Variants in AFF2 observed in about 807,000 individuals in gnomAD.
AFF2 encodes AF4/FMR2 family member 2.
Under a neutral mutation model 76.9 loss-of-function variants are expected in AFF2, and 14 were observed. That is an observed-to-expected ratio of 0.18 (90% confidence interval 0.12 to 0.28). The LOEUF (loss-of-function observed/expected upper bound fraction) is 0.28, where lower values mean the gene tolerates loss of function less well. Among genes scored for constraint, AFF2 ranks in the 10% least tolerant of loss-of-function variants. The pLI, the probability that AFF2 is intolerant of heterozygous loss-of-function variation, is 1.00. For missense variants in AFF2, 868 were observed against 1,001.1 expected, an observed-to-expected ratio of 0.87 and a Z score of 1.79; for synonymous variants, 398 against 366.7, an observed-to-expected ratio of 1.09 and a Z score of -0.98.
intron 1 of AFF2, among the ~76,000 whole-genome samples, chrX:148,540,413 T>A (rs1489265092): frequency 9.1e-6 from 1 of 109,305 alleles, no homozygotes; most frequent in Non-Finnish European, 1.9e-5. Flanking sequence ...TGACCTTTTT[T>A]TTTTTTTTTT....
chrX:148,538,021 G>A (rs1213413185), intron 1 of AFF2, among the ~76,000 whole-genome samples: 4 of 112,366 alleles, frequency 3.6e-5, no homozygotes, highest in Non-Finnish European at 7.5e-5. Flanking sequence ...AGACTCAGAC[G>A]TGGGCCATCC....
chrX:148,786,168 C>CAATA (rs2069818325), intron 3 of AFF2, among the ~76,000 whole-genome samples: 1 of 111,770 alleles, frequency 8.9e-6, no homozygotes, highest in South Asian at 3.7e-4. Context: ...TCCTTTTACT[C>CAATA]AATAAATATG....
intron 19 of AFF2, among the ~76,000 whole-genome samples, chrX:148,982,304 G>C (rs782235089): frequency 3.7e-4 from 41 of 112,010 alleles, no homozygotes; most frequent in African/African-American, 1.3e-3. Context: ...GTCACTCAGG[G>C]GTTATGTCTC....
chrX:148,675,345 G>A (rs1401465935), intron 3 of AFF2, among the ~76,000 whole-genome samples: 8 of 111,236 alleles, frequency 7.2e-5, no homozygotes, highest in African/African-American at 9.8e-5. Context: ...GAAAGTTAGC[G>A]GGGCTGTAAG....
chrX:148,966,274 G>A (rs544253439), intron 13 of AFF2, among the ~76,000 whole-genome samples: 1 of 111,640 alleles, frequency 9.0e-6, no homozygotes, highest in African/African-American at 3.3e-5. Context: ...CAATTTCCTA[G>A]TATTTTGCTG....
At chrX:148,791,805 T>C (rs1428113344) in intron 3 of AFF2, among the ~76,000 whole-genome samples, 5 of 111,636 alleles carry the variant, frequency 4.5e-5, no homozygotes, top group African/African-American at 1.6e-4. Context: ...AATAATCTTA[T>C]CTTGCTTATG....
intron 4 of AFF2, among the ~76,000 whole-genome samples, chrX:148,820,231 T>C (rs1557272445): frequency 8.9e-6 from 1 of 111,775 alleles, no homozygotes; most frequent in African/African-American, 3.2e-5. Context: ...CTTTACTGTG[T>C]GCATCTTTCA....
At chrX:148,777,337 G>A (rs782347178) in intron 3 of AFF2, among the ~76,000 whole-genome samples, 2 of 111,728 alleles carry the variant, frequency 1.8e-5, no homozygotes, top group East Asian at 5.6e-4. Context: ...TTGGCTATAC[G>A]GGCTCTTTTT....
At chrX:148,768,293 A>G (rs1341495586) in intron 3 of AFF2, among the ~76,000 whole-genome samples, 2 of 109,776 alleles carry the variant, frequency 1.8e-5, no homozygotes, top group African/African-American at 3.3e-5. Flanking sequence ...TCACGCTGTA[A>G]TATAGTGATC....
Position 148,520,574 on chromosome X carries a change from A to G in AFF2, c.47+19430A>G, listed in dbSNP as rs975526711. Among the ~76,000 whole-genome samples, 13 of 112,145 alleles carry G rather than the reference A, an allele frequency of 1.2e-4. No homozygotes were observed. The East Asian group carries it at 1.7e-3, about 14-fold the overall frequency. ...CCCAGCTGTTCTTTCTTTTGGATGC[A>G]ATAGAAAGAATTTCCAAATAGATTT... On this transcript the variant is annotated intron_variant, in intron 1 of 20. Transcript: ENST00000370460.
chrX:148,530,132 G>T (rs2052712801), intron 1 of AFF2, among the ~76,000 whole-genome samples: 2 of 111,477 alleles, frequency 1.8e-5, no homozygotes, highest in Non-Finnish European at 3.8e-5. Context: ...GAAGTCAGGA[G>T]CATTAGATGA....
intron 3 of AFF2, among the ~76,000 whole-genome samples, chrX:148,770,491 G>C (rs963296184): frequency 3.6e-5 from 4 of 111,800 alleles, no homozygotes; most frequent in Admixed American, 1.9e-4. Flanking sequence ...AAGAGCAGGA[G>C]GTACTACAAA....
At chrX:148,986,477 T>G (rs1317675538) in intron 19 of AFF2, among the ~76,000 whole-genome samples, 1 of 112,500 alleles carries the variant, frequency 8.9e-6, no homozygotes, top group Non-Finnish European at 1.9e-5. Flanking sequence ...AAGAATATAA[T>G]GAAAATGTGT....
chrX:148,531,085 A>G (rs978614187), intron 1 of AFF2, among the ~76,000 whole-genome samples: 6 of 112,289 alleles, frequency 5.3e-5, no homozygotes, highest in African/African-American at 1.9e-4. Flanking sequence ...ATTAAAATAT[A>G]TCAGAAAAAT....
intron 4 of AFF2, among the ~76,000 whole-genome samples, chrX:148,824,684 G>T (rs1444453696): frequency 8.9e-6 from 1 of 111,863 alleles, no homozygotes; most frequent in Non-Finnish European, 1.9e-5. Context: ...CATTTGGATT[G>T]TGTGACCCTC....
intron 12 of AFF2, among the ~76,000 whole-genome samples, chrX:148,960,381 G>A (rs1328928126): frequency 8.9e-6 from 1 of 112,491 alleles, no homozygotes; most frequent in African/African-American, 3.2e-5. Context: ...CTGCAGCACA[G>A]CCATGTTCCT....
chrX:148,762,478 A>ATGTGTGTG (rs1286942859), intron 3 of AFF2, among the ~76,000 whole-genome samples: 2 of 25,841 alleles, frequency 7.7e-5, no homozygotes, highest in African/African-American at 2.6e-4. Flanking sequence ...GTACATATGT[A>ATGTGTGTG]TATGTGTGTG....
At chrX:148,856,838 A>G (rs962386388) in intron 7 of AFF2, among the ~76,000 whole-genome samples, 2 of 112,622 alleles carry the variant, frequency 1.8e-5, no homozygotes, top group African/African-American at 6.4e-5. Context: ...TTTTGCATGC[A>G]TAAAGGAAGT....
chrX:148,914,477 G>A (rs1299487013), intron 9 of AFF2, among the ~76,000 whole-genome samples: 1 of 111,835 alleles, frequency 8.9e-6, no homozygotes, highest in Non-Finnish European at 1.9e-5. Flanking sequence ...ACAAAATGCT[G>A]GAAAGGATTC....
Sources: allele counts gnomAD v4.1 joint callset (sites outside exome capture counted in the v4.1 genomes callset), GRCh38; gene constraint gnomAD v4.1.1; transcripts MANE v1.5; gene names NCBI Gene and HGNC (gene_info 2026-07-23, HGNC 2026-07-21).